Variants in SNX31 observed in about 807,000 individuals in gnomAD.
SNX31 encodes the protein sorting nexin-31.
Under a neutral mutation model 65.4 loss-of-function variants are expected in SNX31, and 58 were observed. That is an observed-to-expected ratio of 0.89 (90% CI 0.72 to 1.10). The LOEUF (loss-of-function observed/expected upper bound fraction) is 1.10. Ranked by LOEUF, SNX31 falls within the 50% of genes least tolerant of loss-of-function variation. SNX31 has a pLI of 0.00. For missense variants in SNX31, 523 were observed against 529.7 expected (o/e 0.99, Z 0.12); for synonymous variants, 181 against 190.1 (o/e 0.95, Z 0.39).
chr8:100,657,107 A>C (rs952078174), intron 1 of SNX31, among the ~76,000 whole-genome samples: 10 of 152,248 alleles, frequency 6.6e-5, no homozygotes, highest in Admixed American at 6.5e-4. Flanking sequence ...ATTTTAAAAA[A>C]TGAGGAGGGA....
At chr8:100,577,361 G>A (rs142654688) in intron 12 of SNX31, among the ~76,000 whole-genome samples, 1 of 152,332 alleles carries the variant, frequency 6.6e-6, no homozygotes, top group East Asian at 1.9e-4. Flanking sequence ...AACATCACAC[G>A]AAATGAAATG....
At position 100,594,964 on chromosome 8, in the gene SNX31, TAA is replaced by T. The variant is rs1814931451; in HGVS notation, c.978+1673_978+1674del. Among the ~76,000 whole-genome samples, 2 of 152,144 alleles carry T rather than the reference TAA, an allele frequency of 1.3e-5. No individual in the cohort carries two copies. The highest frequency in any genetic ancestry group is 4.1e-4 in the South Asian group (2 of 4,826). On this transcript the variant is annotated intron_variant, in intron 10 of 13. Coordinates refer to ENST00000311812, the MANE Select transcript of SNX31 (RefSeq NM_152628.4). This position sits in a 1 kb window ranked among gnomAD's most constrained non-coding sequence, Gnocchi z 4.0. ...CAGACCATGGACTGCTGCTCAACAA[TAA>T]AAAGAGACAAACTACTGATATAGTC...
rs558448960 is a variant in SNX31 at position 100,577,658 on chromosome 8, C to T, written c.1171-583G>A. Among the ~76,000 whole-genome samples the T allele has an allele frequency of 3.2e-4, 49 of 152,248 alleles. 1 individual carries two copies. In the South Asian group the frequency reaches 9.8e-3, roughly 30 times the overall value. On this transcript the variant is annotated intron_variant, in intron 12 of 13. Coordinates refer to ENST00000311812, the MANE Select transcript of SNX31 (RefSeq NM_152628.4). ...AATGCATGAAGGGATGTTGGGGCCCCCAGGGGCTAGCAATGAGGGGGATTT... is the reference window on the plus strand; with the variant it reads ...AATGCATGAAGGGATGTTGGGGCCCTCAGGGGCTAGCAATGAGGGGGATTT...
intron 9 of SNX31, 130 bp from the exon 10 acceptor site, chr8:100,596,972 A>T (rs574720239): frequency 1.3e-6 from 1 of 761,458 alleles, no homozygotes; most frequent in Non-Finnish European, 2.2e-6. Context: ...GTCACAGTGA[A>T]AGCTCCTTTT....
In SNX31 at chr8:100,588,955, G is replaced by A. The variant is rs768380541; in HGVS notation, c.1003C>T (p.Pro335Ser). The A allele has an allele frequency of 1.2e-6, 2 of 1,613,674 alleles. No homozygotes were observed. Among genetic ancestry groups the A allele is most frequent in the East Asian group, 4.5e-5 (2 of 44,884 alleles). The change falls in exon 11 of 14, where the codon CCC (proline) becomes TCC (serine). Residue 335 changes from proline (P) to serine (S), a missense_variant. Coordinates refer to ENST00000311812, the MANE Select transcript of SNX31 (RefSeq NM_152628.4). This position sits in a 1 kb window ranked among gnomAD's most constrained non-coding sequence, Gnocchi z 4.8. ...FLGTLLDTDG[P>S]QRTLNQNLEL... ...AAGTTCTGGTTGAGAGTTCTCTGGGGCCCATCCGTATCCAGCAGAGTTCCC... is the reference window on the plus strand; with the variant it reads ...AAGTTCTGGTTGAGAGTTCTCTGGGACCCATCCGTATCCAGCAGAGTTCCC...
rs1814269564 is a variant in SNX31 at position 100,588,579 on chromosome 8, C to T, written c.1092+287G>A. 6.6e-6 allele frequency among the ~76,000 whole-genome samples: 1 copy of T among 152,200 alleles called. No individual in the cohort carries two copies. Among genetic ancestry groups the T allele is most frequent in the Non-Finnish European group, 1.5e-5 (1 of 68,036 alleles). ...TGGATCTCAAATCCTAAAATATTTA[C>T]TATCCTTTAAGAAAAAGTCTATGGA... On this transcript the variant is annotated intron_variant, in intron 11 of 13. Coordinates refer to ENST00000311812, the MANE Select transcript of SNX31 (RefSeq NM_152628.4). This position sits in a 1 kb window ranked among gnomAD's most constrained non-coding sequence, Gnocchi z 4.8.
In SNX31 at chr8:100,612,752, G is replaced by C. The variant is rs1400915175; in HGVS notation, c.523+243C>G. 6.6e-6 allele frequency among the ~76,000 whole-genome samples: 1 copy of C among 152,112 alleles called. No homozygotes were observed. The highest frequency in any genetic ancestry group is 2.4e-5 in the African/African-American group (1 of 41,416). On this transcript the variant is annotated intron_variant, in intron 6 of 13. Coordinates refer to ENST00000311812, the MANE Select transcript of SNX31 (RefSeq NM_152628.4). The surrounding 1 kb of genome is among the most constrained non-coding windows in gnomAD (Gnocchi z 4.3). ...CCTGCGGTAAAGGGGAGGGGGTCAG[G>C]ATTAGGGCTGGGGGTACACAAGTGC...
Position 100,641,595 on chromosome 8 carries a change from TACACATACAC to T in SNX31, c.142-5594_142-5585del, listed in dbSNP as rs1454642817. 2.6e-3 allele frequency among the ~76,000 whole-genome samples: 57 copies of T among 22,094 alleles called. 2 individuals carry two copies. The highest frequency in any genetic ancestry group is 0.017 in the African/African-American group (56 of 3,274). The allele number at this position is 22,094 out of a possible 152,430, so 14.5% of individuals were successfully genotyped here. On this transcript the variant is annotated intron_variant, in intron 2 of 13. Transcript: ENST00000311812. ...ATATATATATATATATATATATATA[TACACATACAC>T]ACACACACGCACACACGCGCATATA...
At chr8:100,661,274 G>A (rs1809783195) in intron 1 of SNX31, among the ~76,000 whole-genome samples, 1 of 152,248 alleles carries the variant, frequency 6.6e-6, no homozygotes, top group African/African-American at 2.4e-5. Flanking sequence ...CCAAAGTGCT[G>A]GGATTACAGG....
At position 100,598,647 on chromosome 8, in the gene SNX31, C is replaced by T. The variant is rs1252396517; in HGVS notation, c.774+1702G>A. On this transcript the variant is annotated intron_variant, in intron 9 of 13. Transcript: ENST00000311812. ...GAAGACAGAATTCTACAAGGATTCT[C>T]TACTTGAAAATTAGTTAAGATTGTA... 2.0e-5 allele frequency among the ~76,000 whole-genome samples: 3 copies of T among 150,040 alleles called. No individual in the cohort carries two copies. In the East Asian group the frequency reaches 5.8e-4, roughly 29 times the overall value.
intron 4 of SNX31, among the ~76,000 whole-genome samples, chr8:100,623,284 T>A (rs959131005): frequency 6.6e-6 from 1 of 152,140 alleles, no homozygotes; most frequent in South Asian, 2.1e-4. Context: ...CTCACTGTCA[T>A]GAGAACAGCA....
chr8:100,613,086 C>T lies in SNX31; in HGVS notation c.433-1G>A. ...ACAGTCCAATTTTGTGTGACACCAC[C>T]TTTAACCAGAAACAAGCAGAAAGGG... On this transcript the variant is annotated splice_acceptor_variant, in intron 5 of 13. Coordinates refer to ENST00000311812, the MANE Select transcript of SNX31 (RefSeq NM_152628.4). LOFTEE classifies it high-confidence loss of function. The surrounding 1 kb of genome is among the most constrained non-coding windows in gnomAD (Gnocchi z 5.2). The T allele has an allele frequency of 6.2e-7, 1 of 1,613,674 alleles. No homozygotes were observed. Among genetic ancestry groups the T allele is most frequent in the Non-Finnish European group, 8.5e-7 (1 of 1,179,654 alleles).
chr8:100,621,090 G>A (rs1479837925), intron 4 of SNX31, among the ~76,000 whole-genome samples: 2 of 152,304 alleles, frequency 1.3e-5, no homozygotes, highest in Non-Finnish European at 2.9e-5. Flanking sequence ...GTTGCAGTAA[G>A]CTGAGATTGC....
chr8:100,661,949 G>A (rs1001971919), intron 1 of SNX31, among the ~76,000 whole-genome samples: 15 of 151,960 alleles, frequency 9.9e-5, no homozygotes, highest in East Asian at 1.9e-4. Flanking sequence ...CTCAGCCTCC[G>A]GAGTAGCTGG....
At chr8:100,655,901 C>T (rs1219226380) in intron 1 of SNX31, among the ~76,000 whole-genome samples, 2 of 152,120 alleles carry the variant, frequency 1.3e-5, no homozygotes, top group African/African-American at 4.8e-5. Context: ...ATGAGGGGGG[C>T]TGTCACATAA....
chr8:100,612,136 C>T lies in SNX31; in HGVS notation c.524-49G>A. On this transcript the variant is annotated intron_variant, in intron 6 of 13. Transcript: ENST00000311812. The surrounding 1 kb of genome is among the most constrained non-coding windows in gnomAD (Gnocchi z 4.3). The stretch of plus-strand genomic sequence containing the variant: ...TTACTGGTTGAAACAGCACAGACAG[C>T]TTATATATAGCAGCTTTCAAATGAG... 8.4e-7 allele frequency: 1 copy of T among 1,186,886 alleles called. No individual in the cohort carries two copies. Among genetic ancestry groups the T allele is most frequent in the Non-Finnish European group, 1.3e-6 (1 of 799,114 alleles). 73.5% of individuals were successfully genotyped at this position (1,186,886 alleles called of 1,614,324 possible). A position where few individuals can be genotyped will look rare whatever the true frequency, so the allele number is the denominator to read the frequency against.
At chr8:100,657,910 C>T (rs1470829935) in intron 1 of SNX31, 4 of 363,468 alleles carry the variant, frequency 1.1e-5, no homozygotes, top group Non-Finnish European at 2.2e-5. Context: ...ACAACAACAA[C>T]AACAACAACA....
Position 100,662,568 on chromosome 8 carries a change from G to T in SNX31, c.-58+574C>A, listed in dbSNP as rs953773267. On this transcript the variant is annotated intron_variant, in intron 1 of 5. Coordinates refer to the SNX31 transcript ENST00000520352. ...AAAAATTAGCCAGGCGTTGTGGCAG[G>T]CGCCTATAATCCCAGCTACCTGGGA... is the stretch of plus-strand genomic sequence containing the variant. 1.7e-4 allele frequency among the ~76,000 whole-genome samples: 26 copies of T among 152,256 alleles called. 1 individual carries two copies. Among genetic ancestry groups the T allele is most frequent in the Admixed American group, 1.3e-3 (20 of 15,298 alleles).
chr8:100,579,245 C>T (rs776253210), intron 12 of SNX31, among the ~76,000 whole-genome samples: 1 of 152,096 alleles, frequency 6.6e-6, no homozygotes, highest in Non-Finnish European at 1.5e-5. Flanking sequence ...TAAATAAAAT[C>T]GAACCACTAC....
Sources: gnomAD v4.1 joint callset for allele counts (sites outside exome capture counted in the v4.1 genomes callset) on GRCh38, gnomAD v4.1.1 for gene constraint, Gnocchi (gnomAD v3.1) non-coding constraint, MANE v1.5 for transcripts, NCBI Gene and HGNC (gene_info 2026-07-23, HGNC 2026-07-21) for gene names.